Variants in ADAM32 observed in about 807,000 individuals in gnomAD.
ADAM32 encodes ADAM metallopeptidase domain 32.
Under a neutral mutation model 114.9 loss-of-function variants are expected in ADAM32, and 89 were observed. That is an observed-to-expected ratio of 0.77 (90% CI 0.65 to 0.92). The LOEUF (loss-of-function observed/expected upper bound fraction) is 0.92. Ranked by LOEUF, ADAM32 falls within the 40% of genes least tolerant of loss-of-function variation. ADAM32 has a pLI of 0.00. For synonymous variants in ADAM32, 285 were observed against 307.5 expected (o/e 0.93, Z 0.77); for missense variants, 870 against 932.8 (o/e 0.93, Z 0.88).
rs1809770617 is a variant in ADAM32, at chr8:39,232,052, C to T, written c.1551C>T (p.Cys517=). 1.2e-5 allele frequency: 20 copies of T among 1,611,800 alleles called. No homozygotes were observed. In the East Asian group the frequency reaches 4.5e-4, roughly 36 times the overall value. Residue 517 remains cysteine, a synonymous_variant, in exon 15 of 25, where the codon TGC becomes TGT. Coordinates refer to ENST00000379907, the MANE Select transcript of ADAM32 (RefSeq NM_145004.7). Reference sequence around the variant, plus strand: ...GTTCAAGAAATGCTCCATTTGCCTGCTATGAAGAAATACAATCTCAATCAG... The same window carrying T: ...GTTCAAGAAATGCTCCATTTGCCTGTTATGAAGAAATACAATCTCAATCAG... ...GKGSRNAPFA[C]YEEIQSQSDR...
rs1193245421 is a variant in ADAM32 at position 39,176,191 on chromosome 8, TC to T, written c.915+6195del. ...TTTGTGTGTCTCTATCTCCTTCAGTTCTGCTCTGATCTTGGTTATTTCTTGT... is the reference window on the plus strand; with the variant it reads ...TTTGTGTGTCTCTATCTCCTTCAGTTTGCTCTGATCTTGGTTATTTCTTGT... On this transcript the variant is annotated intron_variant, in intron 10 of 24. Coordinates refer to ENST00000379907, the MANE Select transcript of ADAM32 (RefSeq NM_145004.7). 5.9e-5 allele frequency among the ~76,000 whole-genome samples: 9 copies of T among 152,326 alleles called. No homozygotes were observed. The East Asian group carries it at 1.7e-3, about 29-fold the overall frequency.
At chr8:39,260,720 ATGTCCT>A (rs1350260865) in intron 19 of ADAM32, among the ~76,000 whole-genome samples, 1 of 151,990 alleles carries the variant, frequency 6.6e-6, no homozygotes, top group Non-Finnish European at 1.5e-5. Flanking sequence ...TTCTTTTGTA[ATGTCCT>A]TGTCTAACTT....
In ADAM32 at chr8:39,256,211, C is replaced by T. The variant is rs578020659; in HGVS notation, c.2006-976C>T. Among the ~76,000 whole-genome samples the T allele has an allele frequency of 1.6e-4, 25 of 152,030 alleles. No homozygotes were observed. In the South Asian group the frequency reaches 5.0e-3, roughly 30 times the overall value. The stretch of plus-strand genomic sequence containing the variant: ...TCTAACATTAAAATATCATAATTCA[C>T]GCTGAATACCTTTTAAAATTTCTCT... On this transcript the variant is annotated intron_variant, in intron 18 of 24. Transcript: ENST00000379907.
At chr8:39,112,143 G>A (rs1308233512) in intron 1 of ADAM32, among the ~76,000 whole-genome samples, 1 of 151,948 alleles carries the variant, frequency 6.6e-6, no homozygotes, top group African/African-American at 2.4e-5. Context: ...TAAAGAAAAC[G>A]ACTATGTTTA....
chr8:39,180,744 G>C (rs1388482760), intron 10 of ADAM32, among the ~76,000 whole-genome samples: 1 of 151,698 alleles, frequency 6.6e-6, no homozygotes, highest in Non-Finnish European at 1.5e-5. Flanking sequence ...TTGACACTCT[G>C]TATCTAGCTG....
intron 14 of ADAM32, chr8:39,223,902 T>C (rs2129448907): frequency 6.6e-6 from 1 of 152,272 alleles, no homozygotes; most frequent in East Asian, 1.9e-4. Flanking sequence ...GTTATTTACC[T>C]CTCTGTATCT....
intron 6 of ADAM32, among the ~76,000 whole-genome samples, chr8:39,153,006 C>A (rs977863636): frequency 2.6e-5 from 4 of 152,164 alleles, no homozygotes; most frequent in African/African-American, 9.7e-5. Flanking sequence ...TGACGCCATA[C>A]AGGTAGCAGA....
chr8:39,233,203 G>A (rs1483451743), intron 15 of ADAM32, among the ~76,000 whole-genome samples: 1 of 152,140 alleles, frequency 6.6e-6, no homozygotes, highest in Non-Finnish European at 1.5e-5. Context: ...AAGAATGACT[G>A]CTCAACAGGC....
chr8:39,265,500 G>A (rs1005044537), intron 19 of ADAM32, among the ~76,000 whole-genome samples: 1 of 152,114 alleles, frequency 6.6e-6, no homozygotes, highest in African/African-American at 2.4e-5. Context: ...TACATTCAAC[G>A]TTAATATTGT....
intron 12 of ADAM32, among the ~76,000 whole-genome samples, chr8:39,213,848 C>T (rs531503445): frequency 1.3e-5 from 2 of 152,240 alleles, no homozygotes; most frequent in East Asian, 3.9e-4. Flanking sequence ...AACTACCCTT[C>T]CCAGCCTCTG....
intron 12 of ADAM32, among the ~76,000 whole-genome samples, chr8:39,213,743 T>C (rs1165408808): frequency 1.3e-5 from 2 of 152,202 alleles, no homozygotes; most frequent in Non-Finnish European, 2.9e-5. Flanking sequence ...AGACACTTTG[T>C]TGTGCTATGA....
chr8:39,224,103 A>G (rs1431006415), intron 14 of ADAM32: 1 of 152,190 alleles, frequency 6.6e-6, no homozygotes, highest in Non-Finnish European at 1.5e-5. Flanking sequence ...CTAAAAGTGA[A>G]CTTTCTTCTC....
At chr8:39,220,998 G>A (rs967240896) in intron 12 of ADAM32, 1 of 151,486 alleles carries the variant, frequency 6.6e-6, no homozygotes, top group Non-Finnish European at 1.5e-5. Context: ...CCATTACTGA[G>A]TGAGGTGTTG....
Position 39,116,674 on chromosome 8 carries a change from G to A in ADAM32, c.59-1412G>A, listed in dbSNP as rs114953406. Among the ~76,000 whole-genome samples, 613 of 152,156 alleles carry A rather than the reference G, an allele frequency of 4.0e-3. 2 individuals carry two copies. The highest frequency in any genetic ancestry group is 0.014 in the African/African-American group (573 of 41,516). On this transcript the variant is annotated intron_variant, in intron 1 of 24. Transcript: ENST00000379907. ...GGTTTTCTAGGTGTAGAATCATATC[G>A]TCTGTGAAGAGAGAGAGTTTGACTT...
intron 19 of ADAM32, among the ~76,000 whole-genome samples, chr8:39,269,201 CAG>C (rs1260785265): frequency 6.6e-6 from 1 of 152,162 alleles, no homozygotes; most frequent in Non-Finnish European, 1.5e-5. Context: ...CACCTCAACT[CAG>C]AGAGACTACT....
intron 14 of ADAM32, among the ~76,000 whole-genome samples, chr8:39,227,412 T>A (rs1283478366): frequency 6.6e-6 from 1 of 152,010 alleles, no homozygotes; most frequent in African/African-American, 2.4e-5. Flanking sequence ...ACCACAGGGA[T>A]CTATCTGGAG....
intron 21 of ADAM32, among the ~76,000 whole-genome samples, chr8:39,275,485 C>CA (rs1184369955): frequency 6.6e-6 from 1 of 152,162 alleles, no homozygotes; most frequent in African/African-American, 2.4e-5. Flanking sequence ...CAACCTACAG[C>CA]AATGTATTTA....
chr8:39,114,822 T>C (rs1840309902), intron 1 of ADAM32, among the ~76,000 whole-genome samples: 1 of 152,210 alleles, frequency 6.6e-6, no homozygotes, highest in Non-Finnish European at 1.5e-5. Context: ...ATTACTCAGG[T>C]AGTGAGCACA....
chr8:39,171,143 C>T (rs1325766315), intron 10 of ADAM32, among the ~76,000 whole-genome samples: 1 of 152,084 alleles, frequency 6.6e-6, no homozygotes, highest in Non-Finnish European at 1.5e-5. Flanking sequence ...AACATGTTGG[C>T]CATGACAGTC....
Sources: allele counts gnomAD v4.1 joint callset (sites outside exome capture counted in the v4.1 genomes callset), GRCh38; gene constraint gnomAD v4.1.1; transcripts MANE v1.5; gene names NCBI Gene and HGNC (gene_info 2026-07-23, HGNC 2026-07-21).